FGGY: variants seen among roughly 807,000 people sequenced by gnomAD.
The protein encoded by FGGY is FGGY carbohydrate kinase domain containing.
In FGGY, 72 loss-of-function variants were observed where a neutral mutation model predicts 71.3. The observed-to-expected ratio is 1.01, with a 90% CI of 0.84 to 1.23. FGGY has a LOEUF of 1.23. FGGY is among the 50% of genes most tolerant of loss of function. The pLI is 0.00. For synonymous variants in FGGY, 251 were observed against 250.3 expected, an observed-to-expected ratio of 1.00 and a Z score of -0.02; for missense variants, 668 against 682.3, an observed-to-expected ratio of 0.98 and a Z score of 0.23.
In FGGY at chr1:59,660,299, AT is replaced by A. The variant is rs764340353; in HGVS notation, c.1296+7del. The A allele has an allele frequency of 1.2e-6, 2 of 1,611,060 alleles. No individual in the cohort carries two copies. Among genetic ancestry groups the A allele is most frequent in the South Asian group, 2.2e-5 (2 of 91,048 alleles). The stretch of plus-strand genomic sequence containing the variant: ...CCACAGTTCAAGCCATTGCTGTAAG[AT>A]ACTGTAATGCCATTTTTAAAGAGAC... On this transcript the variant is annotated splice_region_variant and intron_variant, in intron 12 of 15. Coordinates refer to ENST00000303721, the MANE Select transcript of FGGY (RefSeq NM_018291.5).
chr1:59,702,282 A>T (rs2154019990), intron 14 of FGGY, among the ~76,000 whole-genome samples: 1 of 152,316 alleles, frequency 6.6e-6, no homozygotes, highest in South Asian at 2.1e-4. Flanking sequence ...GCCAAAAGGC[A>T]TTTTTATTAA....
intron 11 of FGGY, among the ~76,000 whole-genome samples, chr1:59,641,517 A>G (rs2097027165): frequency 6.6e-6 from 1 of 152,214 alleles, no homozygotes. Flanking sequence ...ACATGTGTGT[A>G]TGTGTGTGTA....
chr1:59,369,480 G>A (rs1461307165), intron 4 of FGGY, among the ~76,000 whole-genome samples: 1 of 152,208 alleles, frequency 6.6e-6, no homozygotes, highest in Non-Finnish European at 1.5e-5. Context: ...ACCTCTGGGG[G>A]CAGGGCACAG....
intron 12 of FGGY, among the ~76,000 whole-genome samples, chr1:59,662,988 G>A (rs141977825): frequency 6.6e-6 from 1 of 152,342 alleles, no homozygotes; most frequent in Non-Finnish European, 1.5e-5. Flanking sequence ...GAAAATCAGA[G>A]TGGTGTGATA....
intron 10 of FGGY, among the ~76,000 whole-genome samples, chr1:59,632,233 C>CACAT (rs2096914847): frequency 6.6e-6 from 1 of 152,064 alleles, no homozygotes; most frequent in South Asian, 2.1e-4. Context: ...TACACATATG[C>CACAT]ATATATACAG....
chr1:59,696,851 A>T lies in FGGY; in HGVS notation c.1512+22718A>T, dbSNP rs562724653. On this transcript the variant is annotated intron_variant, in intron 14 of 15. Coordinates refer to ENST00000303721, the MANE Select transcript of FGGY (RefSeq NM_018291.5). ...AGAACTGGAAGGGCCCTTAGAGATC[A>T]TCCCACACAAACCCTCTTTTTACAG... 1.1e-4 allele frequency among the ~76,000 whole-genome samples: 17 copies of T among 152,306 alleles called. 1 individual carries two copies. The South Asian group carries it at 2.5e-3, about 22-fold the overall frequency.
chr1:59,679,690 T>C (rs1246466650), intron 14 of FGGY, among the ~76,000 whole-genome samples: 2 of 152,164 alleles, frequency 1.3e-5, no homozygotes, highest in African/African-American at 4.8e-5. Flanking sequence ...AAAATCATTT[T>C]ATACTTTTAA....
chr1:59,667,720 G>A lies in FGGY; in HGVS notation c.1417+317G>A, dbSNP rs556678454. Among the ~76,000 whole-genome samples, 4 of 152,292 alleles carry A rather than the reference G, an allele frequency of 2.6e-5. No individual in the cohort carries two copies. The South Asian group carries it at 8.3e-4, about 32-fold the overall frequency. ...ATACCTCTTCTGATCCACACATTGT[G>A]GAGAATATTGAAGATACGAAGATGA... On this transcript the variant is annotated intron_variant, in intron 13 of 15. Coordinates refer to ENST00000303721, the MANE Select transcript of FGGY (RefSeq NM_018291.5).
intron 14 of FGGY, chr1:59,698,626 A>T (rs1367408578): frequency 5.8e-6 from 2 of 342,718 alleles, no homozygotes; most frequent in East Asian, 1.7e-4. Context: ...TTTGCTGACC[A>T]CTTGGGAATT....
intron 13 of FGGY, among the ~76,000 whole-genome samples, chr1:59,669,540 C>CTTTTTTTTTTTTTTTTTTTTTTT (rs58004594): frequency 2.0e-5 from 2 of 102,498 alleles, no homozygotes; most frequent in Non-Finnish European, 1.8e-5. Flanking sequence ...TTCTAGACTT[C>CTTTTTTTTTTTTTTTTTTTTTTT]TTTTTTTTTT....
chr1:59,300,627 A>G (rs11584496), intron 1 of FGGY, among the ~76,000 whole-genome samples: 28,868 of 152,092 alleles, frequency 0.19, 3,356 homozygotes, highest in East Asian at 0.4. Flanking sequence ...TTTTGGTTTT[A>G]TATTAAATCT....
intron 14 of FGGY, among the ~76,000 whole-genome samples, chr1:59,741,604 G>GACC (rs141359631): frequency 0.033 from 5,069 of 152,154 alleles, 175 homozygotes; most frequent in African/African-American, 0.086. Flanking sequence ...AGAAATTCAA[G>GACC]ACCAACCTGG....
chr1:59,499,892 C>A (rs1227633454), intron 6 of FGGY, among the ~76,000 whole-genome samples: 1 of 152,088 alleles, frequency 6.6e-6, no homozygotes, highest in Non-Finnish European at 1.5e-5. Flanking sequence ...AAAATCTTTA[C>A]TCTCTTTTAT....
intron 5 of FGGY, among the ~76,000 whole-genome samples, chr1:59,385,739 G>A (rs1013806522): frequency 2.0e-5 from 3 of 152,056 alleles, no homozygotes. Flanking sequence ...ATAATGATAA[G>A]ATAACTGAGC....
intron 14 of FGGY, among the ~76,000 whole-genome samples, chr1:59,740,324 A>G (rs2098137301): frequency 1.3e-5 from 2 of 152,148 alleles, no homozygotes; most frequent in Admixed American, 6.5e-5. Context: ...CTTTCCTCTC[A>G]TGTTCAGAGA....
intron 6 of FGGY, among the ~76,000 whole-genome samples, chr1:59,502,796 A>G (rs2094266912): frequency 6.6e-6 from 1 of 152,184 alleles, no homozygotes; most frequent in South Asian, 2.1e-4. Flanking sequence ...TCTACTGTAA[A>G]ATGTATACAC....
At chr1:59,643,795 T>C (rs916457727) in intron 11 of FGGY, among the ~76,000 whole-genome samples, 3 of 152,148 alleles carry the variant, frequency 2.0e-5, no homozygotes, top group Admixed American at 2.0e-4. Flanking sequence ...ATATCAACAG[T>C]TCTTAGGTCA....
At chr1:59,332,815 A>T (rs575560523) in intron 2 of FGGY, among the ~76,000 whole-genome samples, 3 of 152,286 alleles carry the variant, frequency 2.0e-5, no homozygotes, top group African/African-American at 7.2e-5. Context: ...AATTTTTTCT[A>T]TTCCTACTCT....
intron 8 of FGGY, among the ~76,000 whole-genome samples, chr1:59,585,473 A>G (rs1479894060): frequency 6.6e-6 from 1 of 152,222 alleles, no homozygotes; most frequent in East Asian, 1.9e-4. Flanking sequence ...CCATATGGAG[A>G]AAGCTGAAAC....
Sources: gnomAD v4.1 joint callset for allele counts (sites outside exome capture counted in the v4.1 genomes callset) on GRCh38, gnomAD v4.1.1 for gene constraint, MANE v1.5 for transcripts, NCBI Gene and HGNC (gene_info 2026-07-23, HGNC 2026-07-21) for gene names.